KCNT2: variants seen among roughly 807,000 people sequenced by gnomAD.
KCNT2 encodes potassium channel subfamily T member 2.
In KCNT2, 67 loss-of-function variants were observed where a neutral mutation model predicts 153.8. The ratio of observed to expected loss-of-function variants is 0.44; its 90% CI spans 0.36 to 0.53. The LOEUF (loss-of-function observed/expected upper bound fraction) is 0.53. Ranked by LOEUF, KCNT2 falls within the 20% of genes least tolerant of loss-of-function variation. KCNT2 has a pLI of 0.00. For missense variants in KCNT2, 975 were observed against 1,354.8 expected (o/e 0.72, Z 4.40); for synonymous variants, 500 against 458.8 (o/e 1.09, Z -1.15).
At chr1:196,315,294 G>A (rs1572010314) in intron 21 of KCNT2, among the ~76,000 whole-genome samples, 1 of 151,712 alleles carries the variant, frequency 6.6e-6, no homozygotes, top group Non-Finnish European at 1.5e-5. Flanking sequence ...AATGACAGAC[G>A]AGTTTGACTT....
intron 1 of KCNT2, among the ~76,000 whole-genome samples, chr1:196,546,290 G>A (rs553491253): frequency 6.6e-6 from 1 of 152,122 alleles, no homozygotes; most frequent in South Asian, 2.1e-4. Context: ...GAAGCCAAAT[G>A]TATCTATTTT....
chr1:196,388,646 T>C (rs1284371252), intron 13 of KCNT2, among the ~76,000 whole-genome samples: 4 of 151,670 alleles, frequency 2.6e-5, no homozygotes, highest in Non-Finnish European at 4.4e-5. Context: ...TTTCATACTT[T>C]TGATGAATTT....
intron 12 of KCNT2, among the ~76,000 whole-genome samples, chr1:196,415,427 T>C (rs1672675341): frequency 6.6e-6 from 1 of 151,830 alleles, no homozygotes; most frequent in African/African-American, 2.4e-5. Context: ...CAACGTGGTG[T>C]CCTGTATGCT....
Position 196,373,260 on chromosome 1 carries a change from A to C in KCNT2, c.1295-12T>G. The C allele has an allele frequency of 9.0e-7, 1 of 1,112,234 alleles. No individual in the cohort carries two copies. Among genetic ancestry groups the C allele is most frequent in the Non-Finnish European group, 1.4e-6 (1 of 731,206 alleles). 68.9% of individuals were successfully genotyped at this position (1,112,234 alleles called of 1,614,324 possible). On this transcript the variant is annotated splice_polypyrimidine_tract_variant and intron_variant, in intron 13 of 27. Coordinates refer to ENST00000294725, the MANE Select transcript of KCNT2 (RefSeq NM_198503.5). ...ACAAACAACATGATCTGTTTGAAAT[A>C]AAATAGGTAAATTAGAATAATTTAC...
intron 26 of KCNT2, among the ~76,000 whole-genome samples, chr1:196,248,507 A>G (rs578081844): frequency 5.8e-4 from 89 of 152,216 alleles, no homozygotes; most frequent in Admixed American, 2.6e-3. Context: ...TAGAGGCTAC[A>G]CTACTATGAA....
intron 4 of KCNT2, 137 bp downstream of exon 4, chr1:196,482,194 T>A: frequency 3.2e-6 from 2 of 618,758 alleles, no homozygotes; most frequent in Non-Finnish European, 5.7e-6. Flanking sequence ...AATGAAAATG[T>A]TAGTCCAAGA....
intron 14 of KCNT2, among the ~76,000 whole-genome samples, chr1:196,342,460 A>ATATATATGTATATATATATT (rs1665766020): frequency 6.8e-6 from 1 of 146,698 alleles, no homozygotes; most frequent in African/African-American, 2.5e-5. Context: ...ATATATATAT[A>ATATATATGTATATATATATT]TATGCTTGAG....
intron 27 of KCNT2, among the ~76,000 whole-genome samples, chr1:196,230,537 G>A (rs984022726): frequency 6.6e-6 from 1 of 151,912 alleles, no homozygotes; most frequent in Non-Finnish European, 1.5e-5. Flanking sequence ...TAATTTCAAT[G>A]TTCATGATTC....
chr1:196,607,794 C>T (rs1230560037), intron 1 of KCNT2, among the ~76,000 whole-genome samples: 1 of 152,170 alleles, frequency 6.6e-6, no homozygotes, highest in Admixed American at 6.5e-5. Flanking sequence ...TTTTAAGTTT[C>T]TAATGTGCTT....
intron 8 of KCNT2, among the ~76,000 whole-genome samples, chr1:196,445,628 A>G (rs1451260116): frequency 1.3e-5 from 2 of 151,464 alleles, no homozygotes; most frequent in Non-Finnish European, 3.0e-5. Context: ...TGTCATAATG[A>G]TAGCCCTTTC....
intron 1 of KCNT2, among the ~76,000 whole-genome samples, chr1:196,578,612 A>C (rs371521587): frequency 6.6e-6 from 1 of 152,170 alleles, no homozygotes; most frequent in East Asian, 1.9e-4. Context: ...CACACATTGC[A>C]ACTTAACGTA....
chr1:196,440,626 T>G (rs865777455), intron 8 of KCNT2, among the ~76,000 whole-genome samples: 52 of 152,096 alleles, frequency 3.4e-4, no homozygotes, highest in African/African-American at 1.1e-3. Flanking sequence ...CTTTTATCTT[T>G]GTCTATGATG....
chr1:196,356,894 A>G (rs1282486102), intron 14 of KCNT2, among the ~76,000 whole-genome samples: 1 of 151,850 alleles, frequency 6.6e-6, no homozygotes, highest in Non-Finnish European at 1.5e-5. Context: ...AAAAATGCTG[A>G]CACCATGTTG....
intron 1 of KCNT2, among the ~76,000 whole-genome samples, chr1:196,529,510 A>G (rs1215132467): frequency 6.6e-6 from 1 of 152,110 alleles, no homozygotes; most frequent in Non-Finnish European, 1.5e-5. Flanking sequence ...TGTTCAAGAG[A>G]AAGAAATTTA....
intron 25 of KCNT2, 79 bp from the exon 26 acceptor site, chr1:196,258,573 T>A: frequency 9.4e-7 from 1 of 1,067,888 alleles, no homozygotes; most frequent in Non-Finnish European, 1.4e-6. Context: ...TTTTATTTGC[T>A]AATATATTGT....
chr1:196,476,721 T>C (rs754931428), intron 5 of KCNT2, among the ~76,000 whole-genome samples: 1 of 152,196 alleles, frequency 6.6e-6, no homozygotes, highest in Non-Finnish European at 1.5e-5. Flanking sequence ...TTCTTACTTA[T>C]TATAAACTTT....
intron 8 of KCNT2, among the ~76,000 whole-genome samples, chr1:196,435,959 T>A (rs1189295239): frequency 1.3e-5 from 2 of 151,710 alleles, no homozygotes; most frequent in South Asian, 2.1e-4. Flanking sequence ...GGTAGAATGT[T>A]CACACTGTTT....
At chr1:196,422,805 A>G (rs1406422681) in intron 12 of KCNT2, among the ~76,000 whole-genome samples, 3 of 152,124 alleles carry the variant, frequency 2.0e-5, no homozygotes, top group African/African-American at 4.8e-5. Context: ...TTCTGTTTAT[A>G]TATGATTCAT....
chr1:196,606,457 G>T (rs1665332687), intron 1 of KCNT2, among the ~76,000 whole-genome samples: 1 of 152,132 alleles, frequency 6.6e-6, no homozygotes, highest in Non-Finnish European at 1.5e-5. Flanking sequence ...AATGTGGCCT[G>T]CTTTTTAAGT....
Sources: gnomAD v4.1 joint callset for allele counts (sites outside exome capture counted in the v4.1 genomes callset) on GRCh38, gnomAD v4.1.1 for gene constraint, MANE v1.5 for transcripts, NCBI Gene and HGNC (gene_info 2026-07-23, HGNC 2026-07-21) for gene names.